C2CD5: variants seen among roughly 807,000 people sequenced by gnomAD.
C2CD5 encodes C2 domain-containing protein 5.
In C2CD5, 109 loss-of-function variants were observed where a neutral mutation model predicts 130.3. The ratio of observed to expected loss-of-function variants is 0.84; its 90% CI spans 0.72 to 0.98. The LOEUF (loss-of-function observed/expected upper bound fraction) is 0.98. C2CD5 is among the 50% of genes least tolerant of loss of function. The pLI is 0.00. For missense variants in C2CD5, 996 were observed against 1,261.8 expected (o/e 0.79, Z 3.19); for synonymous variants, 454 against 429.2 (o/e 1.06, Z -0.71).
chr12:22,510,677 C>T (rs1949086829), intron 9 of C2CD5, among the ~76,000 whole-genome samples: 1 of 152,080 alleles, frequency 6.6e-6, no homozygotes, highest in African/African-American at 2.4e-5. Context: ...TCAATGTTTC[C>T]CAAAATGTGT....
At chr12:22,474,706 C>T (rs1469648523) in intron 16 of C2CD5, 45 bp downstream of exon 16, 1 of 1,466,770 alleles carries the variant, frequency 6.8e-7, no homozygotes, top group Non-Finnish European at 9.1e-7. Context: ...AAATGTGTAT[C>T]TTAGCTTCCA....
At chr12:22,489,655 C>T (rs949941936) in intron 12 of C2CD5, among the ~76,000 whole-genome samples, 1 of 151,972 alleles carries the variant, frequency 6.6e-6, no homozygotes, top group Admixed American at 6.6e-5. Context: ...GAACCAATTC[C>T]CTATGGACAC....
chr12:22,530,603 T>C (rs7138159), intron 3 of C2CD5, among the ~76,000 whole-genome samples: 1 of 151,812 alleles, frequency 6.6e-6, no homozygotes, highest in African/African-American at 2.4e-5. Flanking sequence ...GATTACAGGT[T>C]CACACCACCA....
chr12:22,534,002 A>C (rs541381543), intron 3 of C2CD5, among the ~76,000 whole-genome samples: 31 of 152,336 alleles, frequency 2.0e-4, no homozygotes, highest in Non-Finnish European at 4.0e-4. Context: ...CCGGGCCAAC[A>C]GGGCAAAACC....
At chr12:22,520,467 G>A (rs1470151039) in intron 7 of C2CD5, among the ~76,000 whole-genome samples, 1 of 152,038 alleles carries the variant, frequency 6.6e-6, no homozygotes, top group Non-Finnish European at 1.5e-5. Context: ...TTTTGCAATA[G>A]GAGAACTGTT....
At chr12:22,457,194 A>C (rs187856360) in intron 24 of C2CD5, 33 bp from the exon 25 acceptor site, 1 of 1,455,998 alleles carries the variant, frequency 6.9e-7, no homozygotes, top group African/African-American at 1.4e-5. Flanking sequence ...AAACATTCAG[A>C]ACAGACGCTG....
At chr12:22,522,196 C>T (rs1279729844) in intron 7 of C2CD5, among the ~76,000 whole-genome samples, 5 of 152,150 alleles carry the variant, frequency 3.3e-5, no homozygotes, top group African/African-American at 1.2e-4. Context: ...AAAAGTTTGC[C>T]AACCCTTGAC....
At chr12:22,450,271 C>T (rs1452258146) in intron 26 of C2CD5, among the ~76,000 whole-genome samples, 2 of 152,060 alleles carry the variant, frequency 1.3e-5, no homozygotes, top group Non-Finnish European at 2.9e-5. Context: ...TGAAAAGAAC[C>T]GTCTCCTAAA....
intron 8 of C2CD5, chr12:22,515,052 C>T: frequency 1.0e-6 from 1 of 985,092 alleles, no homozygotes; most frequent in Non-Finnish European, 1.2e-6. Context: ...AGGCTAGATT[C>T]CGAGAGGAGG....
At chr12:22,482,428 C>A in intron 14 of C2CD5, 129 bp downstream of exon 14, 1 of 684,572 alleles carries the variant, frequency 1.5e-6, no homozygotes, top group African/African-American at 1.8e-5. Flanking sequence ...TTAAAATGTC[C>A]TCGTCCCATA....
At chr12:22,489,225 G>A (rs1002468202) in intron 12 of C2CD5, among the ~76,000 whole-genome samples, 1 of 151,696 alleles carries the variant, frequency 6.6e-6, no homozygotes, top group African/African-American at 2.4e-5. Context: ...TGGGGAGGGG[G>A]GAAGTAAATA....
intron 26 of C2CD5, 45 bp downstream of exon 26, chr12:22,453,851 A>C: frequency 6.3e-7 from 1 of 1,591,096 alleles, no homozygotes; most frequent in Non-Finnish European, 8.6e-7. Context: ...CCATGGAAGA[A>C]ATTCTCAGGT....
chr12:22,484,427 C>T (rs1016427053), intron 13 of C2CD5: 1 of 323,498 alleles, frequency 3.1e-6, no homozygotes, highest in Non-Finnish European at 5.5e-6. Context: ...TTAGTCACAT[C>T]CCTAGCCTTT....
intron 3 of C2CD5, among the ~76,000 whole-genome samples, chr12:22,532,610 C>A (rs925427849): frequency 2.6e-5 from 4 of 152,188 alleles, no homozygotes; most frequent in African/African-American, 9.6e-5. Flanking sequence ...TGCCTTCCAA[C>A]ACTAAAAGAA....
At chr12:22,484,422 C>G (rs1158358282) in intron 13 of C2CD5, 1 of 309,476 alleles carries the variant, frequency 3.2e-6, no homozygotes, top group Non-Finnish European at 5.8e-6. Flanking sequence ...TATACTTAGT[C>G]ACATCCCTAG....
chr12:22,492,526 A>C (rs2136462173), intron 11 of C2CD5, among the ~76,000 whole-genome samples: 1 of 152,318 alleles, frequency 6.6e-6, no homozygotes, highest in South Asian at 2.1e-4. Flanking sequence ...CGACTTGAGA[A>C]TAAGAAACTA....
chr12:22,543,331 A>G (rs1952591193), intron 2 of C2CD5, among the ~76,000 whole-genome samples: 1 of 152,266 alleles, frequency 6.6e-6, no homozygotes, highest in Admixed American at 6.5e-5. Flanking sequence ...AGACTTAAAA[A>G]GCAATTTTGC....
intron 9 of C2CD5, chr12:22,507,070 TG>T (rs1948638453): frequency 3.4e-6 from 1 of 295,964 alleles, no homozygotes; most frequent in Admixed American, 4.4e-5. Context: ...AAAAAAAAAG[TG>T]TTCCTTCAAT....
At chr12:22,505,573 T>C in intron 10 of C2CD5, among the ~76,000 whole-genome samples, 1 of 152,184 alleles carries the variant, frequency 6.6e-6, no homozygotes. Flanking sequence ...CAAATAAGAA[T>C]ACTAATATAA....
Sources: allele counts gnomAD v4.1 joint callset (sites outside exome capture counted in the v4.1 genomes callset), GRCh38; gene constraint gnomAD v4.1.1; transcripts MANE v1.5; gene names NCBI Gene and HGNC (gene_info 2026-07-23, HGNC 2026-07-21).